The following VWA8 variants were observed in gnomAD, a reference collection of about 807,000 sequenced individuals.
VWA8 encodes the protein von Willebrand factor A domain containing 8.
In VWA8, 221 loss-of-function variants were observed where a neutral mutation model predicts 241.5. That is an observed-to-expected ratio of 0.91 (90% CI 0.82 to 1.02). The LOEUF (loss-of-function observed/expected upper bound fraction) is 1.02. Ranked by LOEUF, VWA8 falls within the 50% of genes least tolerant of loss-of-function variation. The pLI is 0.00. For synonymous variants in VWA8, 852 were observed against 827.1 expected (o/e 1.03, Z -0.52); for missense variants, 2,322 against 2,328.7 (o/e 1.00, Z 0.06).
chr13:41,573,978 T>C (rs1245244945), intron 43 of VWA8, among the ~76,000 whole-genome samples: 2 of 152,178 alleles, frequency 1.3e-5, no homozygotes, highest in Non-Finnish European at 2.9e-5. Context: ...ACTGGATTGT[T>C]TGTAACACAA....
chr13:41,910,793 T>C (rs1436217469), intron 3 of VWA8, among the ~76,000 whole-genome samples: 1 of 152,196 alleles, frequency 6.6e-6, no homozygotes, highest in African/African-American at 2.4e-5. Flanking sequence ...GATTTATTCA[T>C]GTATTTATTA....
chr13:41,593,119 C>T (rs1284159965), intron 40 of VWA8, among the ~76,000 whole-genome samples: 9 of 152,118 alleles, frequency 5.9e-5, no homozygotes, highest in Non-Finnish European at 1.2e-4. Context: ...TGTTTTAGGG[C>T]CAGGTCAGCC....
At chr13:41,926,221 T>A in intron 2 of VWA8, 1 of 695,616 alleles carries the variant, frequency 1.4e-6, no homozygotes, top group Non-Finnish European at 2.6e-6. Context: ...TCTCCCCACA[T>A]GCATATGTTA....
chr13:41,787,347 T>C, intron 18 of VWA8, 90 bp downstream of exon 18: 4 of 1,052,086 alleles, frequency 3.8e-6, no homozygotes, highest in Non-Finnish European at 4.2e-6. Context: ...ACTGTTTAAC[T>C]GTTTATTTTA....
rs1279797806 is a variant in VWA8, at chr13:41,732,069, A to C, written c.2502+11T>G. The stretch of plus-strand genomic sequence containing the variant: ...TACACTTGAAAATATTTCTATGATT[A>C]GGTTACTAACCAAAGGTGAGTCTTC... On this transcript the variant is annotated intron_variant, in intron 22 of 44. Transcript: ENST00000379310. 1 of 1,603,348 alleles carries C rather than the reference A, an allele frequency of 6.2e-7. No homozygotes were observed. The highest frequency in any genetic ancestry group is 2.2e-5 in the East Asian group (1 of 44,748).
At chr13:41,854,373 G>A (rs999367723) in intron 12 of VWA8, among the ~76,000 whole-genome samples, 6 of 151,998 alleles carry the variant, frequency 3.9e-5, no homozygotes, top group Admixed American at 3.3e-4. Flanking sequence ...GAAACAACAT[G>A]AACATCTGCA....
chr13:41,638,571 T>C (rs1266594630), intron 37 of VWA8, among the ~76,000 whole-genome samples: 1 of 152,052 alleles, frequency 6.6e-6, no homozygotes, highest in Non-Finnish European at 1.5e-5. Flanking sequence ...GCTGAGTTAA[T>C]GCAACTCAGG....
intron 3 of VWA8, among the ~76,000 whole-genome samples, chr13:41,911,599 A>T (rs1876002777): frequency 6.6e-6 from 1 of 152,216 alleles, no homozygotes; most frequent in Admixed American, 6.5e-5. Context: ...AACACAGAAG[A>T]GATACTCTAC....
intron 23 of VWA8, among the ~76,000 whole-genome samples, chr13:41,729,135 C>T (rs2045460545): frequency 6.6e-6 from 1 of 151,594 alleles, no homozygotes; most frequent in Non-Finnish European, 1.5e-5. Context: ...GTGTAATATA[C>T]ATGTCTTTAT....
intron 16 of VWA8, among the ~76,000 whole-genome samples, chr13:41,812,557 C>T (rs1327880970): frequency 6.6e-6 from 1 of 152,142 alleles, no homozygotes; most frequent in Non-Finnish European, 1.5e-5. Flanking sequence ...CAAAGACACA[C>T]TGCACATTTG....
chr13:41,690,553 C>T (rs2045169576), intron 32 of VWA8, among the ~76,000 whole-genome samples: 1 of 152,036 alleles, frequency 6.6e-6, no homozygotes, highest in Non-Finnish European at 1.5e-5. Context: ...ATGGGGTGCA[C>T]TCTTATTATC....
chr13:41,771,886 CTTTT>C (rs10639837), intron 20 of VWA8, among the ~76,000 whole-genome samples: 1 of 100,266 alleles, frequency 1.0e-5, no homozygotes, highest in Non-Finnish European at 2.0e-5. Context: ...CCAGCAGGGA[CTTTT>C]TTTTTTTTTT....
intron 19 of VWA8, among the ~76,000 whole-genome samples, chr13:41,779,853 A>G (rs74051190): frequency 0.017 from 2,580 of 152,248 alleles, 63 homozygotes; most frequent in African/African-American, 0.058. Context: ...CTTCTACTTC[A>G]TGCCCTCATT....
chr13:41,887,084 C>T, intron 6 of VWA8, 113 bp downstream of exon 6: 1 of 1,253,442 alleles, frequency 8.0e-7, no homozygotes, highest in Non-Finnish European at 1.1e-6. Flanking sequence ...CATATCTTTC[C>T]ATGACCTACT....
At chr13:41,932,691 TAAAC>T (rs907764625) in intron 2 of VWA8, among the ~76,000 whole-genome samples, 27 of 149,360 alleles carry the variant, frequency 1.8e-4, no homozygotes, top group African/African-American at 6.1e-4. Context: ...ACCACATTAA[TAAAC>T]AAAAAAGAAA....
intron 4 of VWA8, among the ~76,000 whole-genome samples, chr13:41,902,859 G>A (rs1179813637): frequency 6.6e-5 from 10 of 152,032 alleles, no homozygotes; most frequent in Admixed American, 6.5e-5. Context: ...ATGTCAATTC[G>A]TAATAACCTG....
intron 19 of VWA8, among the ~76,000 whole-genome samples, chr13:41,780,084 C>T (rs962240192): frequency 3.9e-5 from 6 of 152,118 alleles, no homozygotes; most frequent in African/African-American, 1.4e-4. Context: ...TTCCTTCTAC[C>T]TTCTTACATG....
chr13:41,911,062 CTTTTT>C (rs5803108), intron 3 of VWA8, among the ~76,000 whole-genome samples: 4 of 97,978 alleles, frequency 4.1e-5, no homozygotes, highest in Admixed American at 1.1e-4. Flanking sequence ...CATTTTCTTT[CTTTTT>C]TTTTTTTTTT....
intron 12 of VWA8, 35 bp from the exon 13 acceptor site, chr13:41,833,566 G>T: frequency 6.4e-7 from 1 of 1,550,698 alleles, no homozygotes; most frequent in Non-Finnish European, 8.7e-7. Flanking sequence ...CAAAGAACAT[G>T]ACGAATTAAT....
Sources: gnomAD v4.1 joint callset for allele counts (sites outside exome capture counted in the v4.1 genomes callset) on GRCh38, gnomAD v4.1.1 for gene constraint, MANE v1.5 for transcripts, NCBI Gene and HGNC (gene_info 2026-07-23, HGNC 2026-07-21) for gene names.